The following LDLRAD3 variants were observed in gnomAD, a reference collection of about 807,000 sequenced individuals.
LDLRAD3 encodes low-density lipoprotein receptor class A domain-containing protein 3.
LDLRAD3 carries 20 observed loss-of-function variants against 29.4 expected under a neutral mutation model. The observed-to-expected ratio is 0.68, with a 90% CI of 0.48 to 0.99. The LOEUF (loss-of-function observed/expected upper bound fraction) is 0.99. LDLRAD3 is among the 50% of genes least tolerant of loss of function. The pLI is 0.00. For missense variants in LDLRAD3, 420 were observed against 454.3 expected (o/e 0.92, Z 0.69); for synonymous variants, 157 against 192.7 (o/e 0.81, Z 1.53).
At chr11:36,045,189 A>G (rs764148230) in intron 2 of LDLRAD3, among the ~76,000 whole-genome samples, 14 of 152,148 alleles carry the variant, frequency 9.2e-5, no homozygotes, top group Non-Finnish European at 1.6e-4. Flanking sequence ...ATAAGCACCC[A>G]CCTACATACA....
intron 1 of LDLRAD3, among the ~76,000 whole-genome samples, chr11:35,991,901 G>GTGTGTGTA (rs1851696640): frequency 6.6e-6 from 1 of 151,578 alleles, no homozygotes; most frequent in African/African-American, 2.4e-5. Flanking sequence ...GTGTGTGTGT[G>GTGTGTGTA]TGTAGCAGGG....
At chr11:36,163,111 C>T (rs111945062) in intron 4 of LDLRAD3, among the ~76,000 whole-genome samples, 9 of 152,298 alleles carry the variant, frequency 5.9e-5, no homozygotes, top group African/African-American at 1.2e-4. Context: ...GCAATGCAAA[C>T]GCATTAGGCG....
intron 4 of LDLRAD3, among the ~76,000 whole-genome samples, chr11:36,188,229 A>G (rs1854883403): frequency 6.6e-6 from 1 of 152,004 alleles, no homozygotes; most frequent in South Asian, 2.1e-4. Context: ...GAGGGGAGTA[A>G]ATGATATGAC....
intron 4 of LDLRAD3, among the ~76,000 whole-genome samples, chr11:36,170,905 G>T (rs932041186): frequency 2.0e-5 from 3 of 151,742 alleles, no homozygotes; most frequent in African/African-American, 7.3e-5. Flanking sequence ...GAGTTGAAGC[G>T]ATTCTCCTGC....
intron 1 of LDLRAD3, among the ~76,000 whole-genome samples, chr11:36,035,880 A>G (rs1852297129): frequency 1.3e-5 from 2 of 152,304 alleles, no homozygotes; most frequent in African/African-American, 4.8e-5. Context: ...CTGACATTCA[A>G]GTATGTTTGT....
At chr11:36,156,520 A>C (rs1168733618) in intron 4 of LDLRAD3, among the ~76,000 whole-genome samples, 3 of 152,238 alleles carry the variant, frequency 2.0e-5, no homozygotes, top group Admixed American at 2.0e-4. Flanking sequence ...TGCAGTAAAC[A>C]GCAGTTTTCA....
intron 1 of LDLRAD3, among the ~76,000 whole-genome samples, chr11:35,986,758 T>G: frequency 6.6e-6 from 1 of 152,204 alleles, no homozygotes; most frequent in Admixed American, 6.5e-5. Flanking sequence ...CCCAAACTAG[T>G]CACGTGGCCC....
intron 4 of LDLRAD3, among the ~76,000 whole-genome samples, chr11:36,188,683 C>T (rs1440204926): frequency 2.0e-5 from 3 of 152,202 alleles, no homozygotes; most frequent in Non-Finnish European, 4.4e-5. Context: ...CTGGAGCTTA[C>T]TCTCTGCTGA....
intron 4 of LDLRAD3, among the ~76,000 whole-genome samples, chr11:36,150,629 C>G (rs1053360440): frequency 2.6e-5 from 4 of 152,132 alleles, no homozygotes; most frequent in Admixed American, 6.5e-5. Flanking sequence ...GTGGCGGGCG[C>G]CTGTAGTCCC....
chr11:36,199,261 G>GT (rs1855082254), intron 4 of LDLRAD3, among the ~76,000 whole-genome samples: 1 of 152,162 alleles, frequency 6.6e-6, no homozygotes, highest in Admixed American at 6.5e-5. Flanking sequence ...AAAGGATCCT[G>GT]TTAAAGAATT....
intron 4 of LDLRAD3, among the ~76,000 whole-genome samples, chr11:36,224,088 A>G (rs778097226): frequency 4.9e-4 from 72 of 148,376 alleles, no homozygotes; most frequent in Non-Finnish European, 9.2e-4. Context: ...ATTATATATT[A>G]TATAATTATA....
At chr11:36,020,054 A>G (rs1018068140) in intron 1 of LDLRAD3, among the ~76,000 whole-genome samples, 2 of 152,160 alleles carry the variant, frequency 1.3e-5, no homozygotes, top group African/African-American at 2.4e-5. Context: ...CTGACAGCAC[A>G]TGTTATCACA....
chr11:35,971,734 C>A (rs989152171), intron 1 of LDLRAD3, among the ~76,000 whole-genome samples: 1 of 152,022 alleles, frequency 6.6e-6, no homozygotes, highest in African/African-American at 2.4e-5. Flanking sequence ...AGCCTCAGGG[C>A]GGAGAATGGA....
At chr11:35,968,642 GTC>G (rs1851372163) in intron 1 of LDLRAD3, 1 of 164,634 alleles carries the variant, frequency 6.1e-6, no homozygotes, top group Non-Finnish European at 1.3e-5. Context: ...TACATTCTGA[GTC>G]TCTTCTTCCA....
At chr11:36,099,299 A>G (rs985270929) in intron 4 of LDLRAD3, among the ~76,000 whole-genome samples, 1 of 151,470 alleles carries the variant, frequency 6.6e-6, no homozygotes, top group East Asian at 1.9e-4. Context: ...TTCTTTACTC[A>G]TGGACTCTTT....
chr11:36,085,004 TA>T (rs1853174554), intron 3 of LDLRAD3, among the ~76,000 whole-genome samples: 1 of 152,236 alleles, frequency 6.6e-6, no homozygotes, highest in African/African-American at 2.4e-5. Context: ...GTATTGTATT[TA>T]CCCAGATATT....
intron 2 of LDLRAD3, among the ~76,000 whole-genome samples, chr11:36,067,816 G>A (rs1289984427): frequency 4.6e-5 from 7 of 152,202 alleles, no homozygotes; most frequent in East Asian, 1.9e-4. Context: ...GACTACAGGC[G>A]TGTGCCTGGC....
intron 1 of LDLRAD3, among the ~76,000 whole-genome samples, chr11:35,958,500 G>A (rs544002137): frequency 2.0e-5 from 3 of 152,126 alleles, no homozygotes; most frequent in Non-Finnish European, 4.4e-5. Context: ...CTCACTAAAA[G>A]CTAGAGATCT....
At chr11:36,056,277 G>A (rs1429819405) in intron 2 of LDLRAD3, among the ~76,000 whole-genome samples, 2 of 152,132 alleles carry the variant, frequency 1.3e-5, no homozygotes, top group Admixed American at 1.3e-4. Context: ...ACAGGTGTGA[G>A]CCACCGCACC....
Sources: gnomAD v4.1 joint callset for allele counts (sites outside exome capture counted in the v4.1 genomes callset) on GRCh38, gnomAD v4.1.1 for gene constraint, MANE v1.5 for transcripts, NCBI Gene and HGNC (gene_info 2026-07-23, HGNC 2026-07-21) for gene names.